The following GAB1 variants were observed in gnomAD, a reference collection of about 807,000 sequenced individuals.
GAB1 encodes GRB2-associated-binding protein 1.
A neutral mutation model predicts 66.5 loss-of-function variants in GAB1; 19 were observed. That is an observed-to-expected ratio of 0.29 (90% CI 0.20 to 0.42). The LOEUF (loss-of-function observed/expected upper bound fraction) is 0.42. Among genes scored for constraint, GAB1 ranks in the 10% least tolerant of loss-of-function variants. The pLI, the probability that GAB1 is intolerant of heterozygous loss-of-function variation, is 1.00. For missense variants in GAB1, 732 were observed against 858.5 expected, an observed-to-expected ratio of 0.85 and a Z score of 1.84; for synonymous variants, 294 against 301.4, an observed-to-expected ratio of 0.98 and a Z score of 0.25.
In GAB1 at chr4:143,438,151, C is replaced by G. The variant is rs1377728912; in HGVS notation, c.746C>G (p.Ala249Gly). 6.2e-7 allele frequency: 1 copy of G among 1,614,022 alleles called. No homozygotes were observed. Among genetic ancestry groups the G allele is most frequent in the South Asian group, 1.1e-5 (1 of 91,064 alleles). The change falls in exon 4 of 10, where the codon GCC becomes GGC. Residue 249 changes from alanine to glycine, a missense_variant. Coordinates refer to ENST00000262994, the MANE Select transcript of GAB1 (RefSeq NM_002039.4). ...QMIYDSPPSR[A>G]PSASVDSSLY... The stretch of plus-strand genomic sequence containing the variant: ...ATATACGACTCTCCACCTTCACGTG[C>G]CCCATCTGCTTCAGTTGACTCCAGC...
At chr4:143,339,038 G>T (rs774336444) in intron 1 of GAB1, among the ~76,000 whole-genome samples, 1 of 152,178 alleles carries the variant, frequency 6.6e-6, no homozygotes, top group Non-Finnish European at 1.5e-5. Context: ...CAGCCAAAAA[G>T]ATTATGTCTT....
intron 1 of GAB1, among the ~76,000 whole-genome samples, chr4:143,343,186 C>T (rs1728879973): frequency 6.6e-6 from 1 of 152,106 alleles, no homozygotes; most frequent in Non-Finnish European, 1.5e-5. Context: ...TCAGCAGAAG[C>T]CCTGTTGCAG....
chr4:143,424,971 A>T lies in GAB1; in HGVS notation c.368-8520A>T, dbSNP rs1733251566. 5 of 623,164 alleles carry T rather than the reference A, an allele frequency of 8.0e-6. No individual in the cohort carries two copies. The South Asian group carries it at 8.9e-5, about 11-fold the overall frequency. 38.6% of individuals were successfully genotyped at this position (623,164 alleles called of 1,614,324 possible). On this transcript the variant is annotated intron_variant, in intron 2 of 9. Coordinates refer to ENST00000262994, the MANE Select transcript of GAB1 (RefSeq NM_002039.4). ...TCCGACTTTAAAAAAAGAAAAAAAA[A>T]GGCCTTTCTGTGCTACCCACAGAGG...
intron 6 of GAB1, among the ~76,000 whole-genome samples, chr4:143,447,717 A>G (rs1160957381): frequency 6.6e-6 from 1 of 152,194 alleles, no homozygotes; most frequent in African/African-American, 2.4e-5. Flanking sequence ...TAGATATACA[A>G]TCATGTCATC....
intron 2 of GAB1, chr4:143,425,480 T>C (rs891487886): frequency 1.3e-6 from 1 of 761,090 alleles, no homozygotes; most frequent in Non-Finnish European, 2.4e-6. Flanking sequence ...TACCTACCAT[T>C]GCTCTGTGTA....
chr4:143,350,539 G>A (rs1300115500), intron 1 of GAB1, among the ~76,000 whole-genome samples: 1 of 151,976 alleles, frequency 6.6e-6, no homozygotes, highest in Non-Finnish European at 1.5e-5. Flanking sequence ...TTAGTTGGGC[G>A]TGGTGGTGCA....
intron 1 of GAB1, among the ~76,000 whole-genome samples, chr4:143,387,018 TAAG>T (rs1223372093): frequency 6.6e-6 from 1 of 152,192 alleles, no homozygotes; most frequent in African/African-American, 2.4e-5. Flanking sequence ...AAGAGAATGA[TAAG>T]AAGGGTGAAT....
intron 3 of GAB1, 130 bp downstream of exon 3, chr4:143,433,846 G>A (rs1733804573): frequency 5.6e-6 from 4 of 719,026 alleles, no homozygotes; most frequent in South Asian, 3.8e-5. Flanking sequence ...ATAGGCATAT[G>A]TTTCAGGCTT....
chr4:143,431,027 C>T (rs74952280), intron 2 of GAB1, among the ~76,000 whole-genome samples: 1,763 of 152,170 alleles, frequency 0.012, 28 homozygotes, highest in African/African-American at 0.04. Flanking sequence ...TTTTATCTAC[C>T]CTTTCAATAT....
At chr4:143,448,467 G>A (rs1407980180) in intron 6 of GAB1, among the ~76,000 whole-genome samples, 1 of 151,848 alleles carries the variant, frequency 6.6e-6, no homozygotes, top group Non-Finnish European at 1.5e-5. Context: ...CACAATTTCA[G>A]ATTCTGTTAT....
At chr4:143,429,521 G>C (rs1486184735) in intron 2 of GAB1, among the ~76,000 whole-genome samples, 1 of 152,122 alleles carries the variant, frequency 6.6e-6, no homozygotes, top group Non-Finnish European at 1.5e-5. Context: ...CTTGTGAGTT[G>C]GGTAAACGCC....
intron 1 of GAB1, among the ~76,000 whole-genome samples, chr4:143,399,616 T>C (rs941876862): frequency 2.6e-5 from 4 of 152,228 alleles, no homozygotes; most frequent in African/African-American, 9.6e-5. Context: ...GCATCCAGTA[T>C]ACATTTACAT....
chr4:143,469,347 G>A lies in GAB1; in HGVS notation c.*158G>A, dbSNP rs148881738. The A allele has an allele frequency of 6.3e-5, 40 of 639,988 alleles. No homozygotes were observed. In the African/African-American group the frequency reaches 6.9e-4, roughly 11 times the overall value. 39.6% of individuals were successfully genotyped at this position (639,988 alleles called of 1,614,324 possible). A position where few individuals can be genotyped will look rare whatever the true frequency, so the allele number is the denominator to read the frequency against. On this transcript the variant is annotated 3_prime_UTR_variant, in exon 10 of 10. Coordinates refer to ENST00000262994, the MANE Select transcript of GAB1 (RefSeq NM_002039.4). ...ACATAATCAAGCAATTTAGACTTAA[G>A]TGGTGCTTTGTGGTATCTGAACAAT...
At chr4:143,459,605 G>A (rs1303512831) in intron 7 of GAB1, 127 bp downstream of exon 7, 2 of 677,746 alleles carry the variant, frequency 3.0e-6, no homozygotes, top group South Asian at 1.6e-5. Flanking sequence ...CTTTTTGGGG[G>A]TTCTGTGAAG....
At chr4:143,419,939 ACT>A (rs1732927127) in intron 2 of GAB1, among the ~76,000 whole-genome samples, 1 of 152,046 alleles carries the variant, frequency 6.6e-6, no homozygotes, top group African/African-American at 2.4e-5. Flanking sequence ...CTGCAAAAAG[ACT>A]CTCAAAGTTT....
intron 1 of GAB1, among the ~76,000 whole-genome samples, chr4:143,368,806 CT>C (rs1269299451): frequency 1.3e-5 from 2 of 151,978 alleles, no homozygotes; most frequent in Admixed American, 6.6e-5. Context: ...AATACGAACT[CT>C]TTTTTTTCTT....
At position 143,440,065 on chromosome 4, in the gene GAB1, T is replaced by C. The variant is rs369607803; in HGVS notation, c.1282-14T>C. On this transcript the variant is annotated splice_polypyrimidine_tract_variant and intron_variant, in intron 5 of 9. Transcript: ENST00000262994. Reference sequence around the variant, plus strand: ...GAGTTTTTGTTTATTAAAAGAAATATATATGTGTTTTAGAAAGTCAAAAAT... The same window carrying C: ...GAGTTTTTGTTTATTAAAAGAAATACATATGTGTTTTAGAAAGTCAAAAAT... 2.5e-6 allele frequency: 4 copies of C among 1,604,262 alleles called. No individual in the cohort carries two copies. Among genetic ancestry groups the C allele is most frequent in the South Asian group, 1.1e-5 (1 of 90,094 alleles).
At chr4:143,433,097 A>G (rs1733761084) in intron 2 of GAB1, among the ~76,000 whole-genome samples, 1 of 152,180 alleles carries the variant, frequency 6.6e-6, no homozygotes, top group African/African-American at 2.4e-5. Flanking sequence ...CCTGGTAAAT[A>G]CTATGTAATT....
chr4:143,375,127 T>A (rs1192052117), intron 1 of GAB1, among the ~76,000 whole-genome samples: 1 of 152,222 alleles, frequency 6.6e-6, no homozygotes, highest in African/African-American at 2.4e-5. Flanking sequence ...TTTTGTATTT[T>A]ACTAGAGACG....
Sources: allele counts gnomAD v4.1 joint callset (sites outside exome capture counted in the v4.1 genomes callset), GRCh38; gene constraint gnomAD v4.1.1; transcripts MANE v1.5; gene names NCBI Gene and HGNC (gene_info 2026-07-23, HGNC 2026-07-21).